TRIM38: variants seen among roughly 807,000 people sequenced by gnomAD.
TRIM38 encodes the protein E3 ubiquitin-protein ligase TRIM38.
In TRIM38, 35 loss-of-function variants were observed where a neutral mutation model predicts 35.8. That is an observed-to-expected ratio of 0.98 (90% CI 0.75 to 1.30). The LOEUF (loss-of-function observed/expected upper bound fraction) is 1.30, where lower values mean the gene tolerates loss of function less well. Ranked by LOEUF, TRIM38 falls within the 50% of genes most tolerant of loss-of-function variation. The probability of loss-of-function intolerance (pLI) is 0.00; values close to 1 mark genes in which losing one functional copy is unlikely to be tolerated. For synonymous variants in TRIM38, 198 were observed against 204.7 expected, an observed-to-expected ratio of 0.97 and a Z score of 0.28; for missense variants, 545 against 556.9, an observed-to-expected ratio of 0.98 and a Z score of 0.21.
At chr6:25,970,924 T>C (rs1760209733) in intron 4 of TRIM38, among the ~76,000 whole-genome samples, 2 of 152,294 alleles carry the variant, frequency 1.3e-5, no homozygotes, top group South Asian at 4.1e-4. Flanking sequence ...ACTTGATTTC[T>C]GTCAGTCTTA....
intron 7 of TRIM38, among the ~76,000 whole-genome samples, chr6:25,978,533 A>T (rs1302606658): frequency 6.6e-6 from 1 of 151,918 alleles, no homozygotes; most frequent in East Asian, 1.9e-4. Flanking sequence ...TTTTCGAGAC[A>T]GGCTCTCACT....
Position 25,984,049 on chromosome 6 carries a change from T to C in TRIM38, c.*362T>C. On this transcript the variant is annotated 3_prime_UTR_variant, in exon 8 of 8. Coordinates refer to ENST00000357085, the MANE Select transcript of TRIM38 (RefSeq NM_006355.5). ...GTTTGTTTGCTGCCATTTGAACTCA[T>C]GTAGGGAATGAAAGAAAGCTGCAAT... is the stretch of plus-strand genomic sequence containing the variant. 5.7e-6 allele frequency: 1 copy of C among 175,424 alleles called. No individual in the cohort carries two copies. Among genetic ancestry groups the C allele is most frequent in the Non-Finnish European group, 1.2e-5 (1 of 83,364 alleles). 10.9% of individuals were successfully genotyped at this position (175,424 alleles called of 1,614,324 possible).
rs1760803034 is a variant in TRIM38 at position 25,990,030 on chromosome 6, C to CT, written c.*6348dup. 7.0e-6 allele frequency: 1 copy of CT among 142,604 alleles called. No individual in the cohort carries two copies. The highest frequency in any genetic ancestry group is 1.5e-5 in the Non-Finnish European group (1 of 64,820). The allele number at this position is 142,604 out of a possible 1,614,324, so 8.8% of individuals were successfully genotyped here. On this transcript the variant is annotated 3_prime_UTR_variant, in exon 8 of 8. Coordinates refer to ENST00000357085, the MANE Select transcript of TRIM38 (RefSeq NM_006355.5). ...ATCCTTTTTTTTTTTTTCTTTCTTC[C>CT]TTTTTAGATACAGGGTCTCACTATG...
At chr6:25,979,021 T>C (rs1760476149) in intron 7 of TRIM38, among the ~76,000 whole-genome samples, 1 of 152,128 alleles carries the variant, frequency 6.6e-6, no homozygotes, top group Non-Finnish European at 1.5e-5. Flanking sequence ...TATATGACAA[T>C]CTAGATGAAT....
intron 4 of TRIM38, 91 bp from the exon 5 acceptor site, chr6:25,971,778 G>A (rs995602157): frequency 6.0e-5 from 65 of 1,084,852 alleles, no homozygotes; most frequent in South Asian, 1.8e-4. Context: ...ATGTAGTAGC[G>A]TGTGTCAGAC....
intron 3 of TRIM38, among the ~76,000 whole-genome samples, chr6:25,967,444 A>C (rs908920887): frequency 6.6e-6 from 1 of 151,984 alleles, no homozygotes; most frequent in Non-Finnish European, 1.5e-5. Context: ...AGGACACGTA[A>C]AAATTGAACA....
rs922814776 is a variant in TRIM38, at chr6:25,987,287, TACC to T, written c.*3603_*3605del. Reference sequence around the variant, plus strand: ...CTTAGGTTGGGCTGCTGAAACAAAATACCACAGCCTGAGTGACTTAAACAACGA... The same window carrying T: ...CTTAGGTTGGGCTGCTGAAACAAAATACAGCCTGAGTGACTTAAACAACGA... On this transcript the variant is annotated 3_prime_UTR_variant, in exon 8 of 8. Transcript: ENST00000357085. The T allele has an allele frequency of 7.1e-6, 1 of 140,690 alleles. No homozygotes were observed. Among genetic ancestry groups the T allele is most frequent in the African/African-American group, 2.8e-5 (1 of 36,094 alleles). 8.7% of individuals were successfully genotyped at this position (140,690 alleles called of 1,614,324 possible). A position where few individuals can be genotyped will look rare whatever the true frequency, so the allele number is the denominator to read the frequency against.
chr6:25,973,888 A>G (rs1036639531), intron 7 of TRIM38: 27 of 984,712 alleles, frequency 2.7e-5, no homozygotes, highest in African/African-American at 3.5e-5. Flanking sequence ...AGTGCTGACT[A>G]TACTTTCACA....
chr6:25,972,131 G>T (rs1271771568), intron 5 of TRIM38, 32 bp downstream of exon 5: 1 of 1,589,006 alleles, frequency 6.3e-7, no homozygotes, highest in Admixed American at 1.7e-5. Context: ...AGGGAAAAAA[G>T]GTATGTTATA....
intron 7 of TRIM38, among the ~76,000 whole-genome samples, chr6:25,979,374 A>G (rs763944825): frequency 6.6e-6 from 1 of 152,076 alleles, no homozygotes; most frequent in Non-Finnish European, 1.5e-5. Flanking sequence ...TCTGTCGGTA[A>G]AATTTAAAGT....
intron 3 of TRIM38, among the ~76,000 whole-genome samples, chr6:25,969,103 G>A (rs1238552583): frequency 1.3e-5 from 2 of 152,174 alleles, no homozygotes; most frequent in Non-Finnish European, 2.9e-5. Context: ...ATTTTCTACA[G>A]CACAGAAATG....
At chr6:25,967,153 G>A (rs924146268) in intron 3 of TRIM38, among the ~76,000 whole-genome samples, 6 of 152,132 alleles carry the variant, frequency 3.9e-5, no homozygotes, top group Non-Finnish European at 7.3e-5. Flanking sequence ...CTATCCATTT[G>A]TGTTATGATG....
At chr6:25,962,876 G>A (rs1161362805) in intron 1 of TRIM38, 21 bp downstream of exon 1, 2 of 152,442 alleles carry the variant, frequency 1.3e-5, no homozygotes, top group Non-Finnish European at 2.9e-5. Context: ...GAGCAGTGAA[G>A]GTTACGGAAA....
At chr6:25,974,976 C>A (rs1258835296) in intron 7 of TRIM38, 1 of 984,522 alleles carries the variant, frequency 1.0e-6, no homozygotes, top group Non-Finnish European at 1.2e-6. Context: ...CTACTCTCAT[C>A]TTTTACAGAA....
At chr6:25,982,931 T>G (rs1021137849) in intron 7 of TRIM38, among the ~76,000 whole-genome samples, 1 of 151,756 alleles carries the variant, frequency 6.6e-6, no homozygotes, top group African/African-American at 2.4e-5. Flanking sequence ...TACAGAAAAT[T>G]TAAAAAAATT....
intron 7 of TRIM38, among the ~76,000 whole-genome samples, chr6:25,977,160 C>T (rs550656376): frequency 1.1e-4 from 17 of 152,300 alleles, no homozygotes; most frequent in African/African-American, 4.1e-4. Flanking sequence ...CATTTTCCTT[C>T]AAGGTCTGTG....
rs1458867140 is a variant in TRIM38 at position 25,983,931 on chromosome 6, C to G, written c.*244C>G. The G allele has an allele frequency of 7.2e-6, 3 of 415,522 alleles. No homozygotes were observed. 25.7% of individuals were successfully genotyped at this position (415,522 alleles called of 1,614,324 possible). On this transcript the variant is annotated 3_prime_UTR_variant, in exon 8 of 8. Transcript: ENST00000357085. ...TAGTGATGATCGTATGTTGCTGTCT[C>G]CATCCGTCTTTAATGGGTCAGGGCT...
rs574766173 is a variant in TRIM38, at chr6:25,972,212, G to A, written c.738+113G>A. On this transcript the variant is annotated intron_variant, in intron 5 of 7. Transcript: ENST00000357085. ...ATGTTTCTTTTAGATGTACATCAGT[G>A]CCATCAGGCTGGCCTTCACTAATTT... The A allele has an allele frequency of 8.6e-5, 82 of 948,100 alleles. 1 individual carries two copies. The Admixed American group carries it at 1.4e-3, about 16-fold the overall frequency. The allele number at this position is 948,100 out of a possible 1,614,324, so 58.7% of individuals were successfully genotyped here.
chr6:25,980,950 T>C (rs1382977805), intron 7 of TRIM38, among the ~76,000 whole-genome samples: 1 of 152,202 alleles, frequency 6.6e-6, no homozygotes, highest in Non-Finnish European at 1.5e-5. Context: ...TCCTGGGTCA[T>C]TCAGGTAATA....
Sources: allele counts gnomAD v4.1 joint callset (sites outside exome capture counted in the v4.1 genomes callset), GRCh38; gene constraint gnomAD v4.1.1; transcripts MANE v1.5; gene names NCBI Gene and HGNC (gene_info 2026-07-23, HGNC 2026-07-21).